SLC45A4: variants seen among roughly 807,000 people sequenced by gnomAD.
SLC45A4 encodes the protein solute carrier family 45 member 4, also known as polyamine-transporter SLC45A4.
Under a neutral mutation model 63.7 loss-of-function variants are expected in SLC45A4, and 32 were observed. The ratio of observed to expected loss-of-function variants is 0.50; its 90% CI spans 0.38 to 0.67. The LOEUF is 0.67. Among genes scored for constraint, SLC45A4 ranks in the 30% least tolerant of loss-of-function variants. The pLI, the probability that SLC45A4 is intolerant of heterozygous loss-of-function variation, is 0.00. For synonymous variants in SLC45A4, 535 were observed against 510.0 expected, an observed-to-expected ratio of 1.05 and a Z score of -0.66; for missense variants, 1,027 against 1,157.7, an observed-to-expected ratio of 0.89 and a Z score of 1.64.
chr8:141,251,595 G>A (rs1309791429), intron 2 of SLC45A4, among the ~76,000 whole-genome samples: 1 of 151,920 alleles, frequency 6.6e-6, no homozygotes, highest in African/African-American at 2.4e-5. Context: ...GCTGCGCCCG[G>A]TCTCCTACGT....
At chr8:141,243,959 A>C (rs1407515180) in intron 2 of SLC45A4, among the ~76,000 whole-genome samples, 2 of 152,228 alleles carry the variant, frequency 1.3e-5, no homozygotes, top group African/African-American at 4.8e-5. Context: ...TAAGGCTTCC[A>C]GTCAGGAAGC....
chr8:141,255,331 G>A lies in SLC45A4; in HGVS notation c.-400-702C>T, dbSNP rs539299222. Among the ~76,000 whole-genome samples, 5 of 152,156 alleles carry A rather than the reference G, an allele frequency of 3.3e-5. No homozygotes were observed. In the East Asian group the frequency reaches 5.8e-4, roughly 18 times the overall value. ...GGGCTCAAGCGATCTACCCTGCCTCGGCCTCCCAAAGCACTAGGATTTACA... is the reference window on the plus strand; with the variant it reads ...GGGCTCAAGCGATCTACCCTGCCTCAGCCTCCCAAAGCACTAGGATTTACA... On this transcript the variant is annotated intron_variant, in intron 1 of 8. Coordinates refer to ENST00000517878, the MANE Select transcript of SLC45A4 (RefSeq NM_001286646.2).
At chr8:141,292,598 C>A (rs984748492) in intron 1 of SLC45A4, 14 of 152,424 alleles carry the variant, frequency 9.2e-5, no homozygotes, top group African/African-American at 3.4e-4. Context: ...GTGGAAGCAG[C>A]AGCATGAGGC....
intron 1 of SLC45A4, among the ~76,000 whole-genome samples, chr8:141,298,236 A>G (rs1251548815): frequency 2.0e-5 from 3 of 152,268 alleles, no homozygotes; most frequent in African/African-American, 7.2e-5. Context: ...CACTACTTTT[A>G]GGCATGTCTC....
rs117887290 is a variant in SLC45A4, at chr8:141,244,962, G to A, written c.241+9027C>T. ...ATTCAGCAAGAAGACGTGGGTGGGG[G>A]GGGGGGGCGGTGTGGAGGTGGAGGC... On this transcript the variant is annotated intron_variant, in intron 2 of 8. Transcript: ENST00000517878. Among the ~76,000 whole-genome samples, 12 of 119,520 alleles carry A rather than the reference G, an allele frequency of 1.0e-4. 3 individuals carry two copies. Among genetic ancestry groups the A allele is most frequent in the Admixed American group, 1.6e-4 (2 of 12,132 alleles). 78.4% of individuals were successfully genotyped at this position (119,520 alleles called of 152,430 possible). A position where few individuals can be genotyped will look rare whatever the true frequency, so the allele number is the denominator to read the frequency against.
At chr8:141,305,046 A>T (rs1333287332) in intron 1 of SLC45A4, among the ~76,000 whole-genome samples, 1 of 152,164 alleles carries the variant, frequency 6.6e-6, no homozygotes, top group South Asian at 2.1e-4. Context: ...CAGGGTAGAG[A>T]AGATTCATTT....
At chr8:141,246,095 C>T (rs183449798) in intron 2 of SLC45A4, among the ~76,000 whole-genome samples, 43 of 152,292 alleles carry the variant, frequency 2.8e-4, no homozygotes, top group East Asian at 2.5e-3. Context: ...GTTTCTGCTG[C>T]GATATTTATC....
rs149212901 is a variant in SLC45A4, at chr8:141,271,232, C to T, written c.-400-16603G>A. 6.9e-4 allele frequency among the ~76,000 whole-genome samples: 105 copies of T among 152,330 alleles called. 1 individual carries two copies. The East Asian group carries it at 9.1e-3, about 13-fold the overall frequency. On this transcript the variant is annotated intron_variant, in intron 1 of 8. Coordinates refer to ENST00000517878, the MANE Select transcript of SLC45A4 (RefSeq NM_001286646.2). ...TTCCTGGAGAAGATGACCTTCCTGCCGGTGAAGTCACAGGCCAACTGTAGG... is the reference window on the plus strand; with the variant it reads ...TTCCTGGAGAAGATGACCTTCCTGCTGGTGAAGTCACAGGCCAACTGTAGG...
chr8:141,271,932 C>T (rs1563664178), intron 1 of SLC45A4, among the ~76,000 whole-genome samples: 1 of 152,138 alleles, frequency 6.6e-6, no homozygotes, highest in Admixed American at 6.5e-5. Flanking sequence ...GCAACACACA[C>T]CTGCATTCAC....
intron 1 of SLC45A4, among the ~76,000 whole-genome samples, chr8:141,265,577 T>C (rs1235917313): frequency 6.6e-6 from 1 of 152,148 alleles, no homozygotes; most frequent in African/African-American, 2.4e-5. Context: ...AAAAGGAAAA[T>C]GATTCTTCTC....
chr8:141,254,601 T>C lies in SLC45A4; in HGVS notation c.-372A>G, dbSNP rs757744510. 7.1e-6 allele frequency: 5 copies of C among 701,914 alleles called. No individual in the cohort carries two copies. Among genetic ancestry groups the C allele is most frequent in the Non-Finnish European group, 1.3e-5 (5 of 384,592 alleles). The allele number at this position is 701,914 out of a possible 1,614,324, so 43.5% of individuals were successfully genotyped here. ...AAGGTGATACAAACAGGTGGTCCGC[T>C]GGTAATCCCCATCGAGTGACTGGAT... is the stretch of plus-strand genomic sequence containing the variant. On this transcript the variant is annotated 5_prime_UTR_variant, in exon 2 of 9. Coordinates refer to ENST00000517878, the MANE Select transcript of SLC45A4 (RefSeq NM_001286646.2). The surrounding 1 kb of genome is among the most constrained non-coding windows in gnomAD (Gnocchi z 4.5).
At chr8:141,232,474 A>G (rs1020536929) in intron 2 of SLC45A4, among the ~76,000 whole-genome samples, 1 of 152,258 alleles carries the variant, frequency 6.6e-6, no homozygotes, top group Non-Finnish European at 1.5e-5. Flanking sequence ...CCAAGGCCTC[A>G]GGTGAAGACA....
At chr8:141,264,520 AT>A (rs1829180269) in intron 1 of SLC45A4, among the ~76,000 whole-genome samples, 1 of 152,074 alleles carries the variant, frequency 6.6e-6, no homozygotes, top group South Asian at 2.1e-4. Context: ...TCTCATGTTT[AT>A]TGCCAAGAAC....
Position 141,308,131 on chromosome 8 carries a change from G to A in SLC45A4, c.-436C>T, listed in dbSNP as rs546219704. 502 of 147,998 alleles carry A rather than the reference G, an allele frequency of 3.4e-3. 3 individuals are homozygous for A. Among genetic ancestry groups the A allele is most frequent in the African/African-American group, 0.012 (471 of 40,896 alleles). The allele number at this position is 147,998 out of a possible 1,614,324, so 9.2% of individuals were successfully genotyped here. Reference sequence around the variant, plus strand: ...CGGCCGGGGCCGCGGGGGCGGCGGGGCGGCCGGGCCGGGCCGGGCAGGGGC... The same window carrying A: ...CGGCCGGGGCCGCGGGGGCGGCGGGACGGCCGGGCCGGGCCGGGCAGGGGC... On this transcript the variant is annotated 5_prime_UTR_variant, in exon 1 of 9. Transcript: ENST00000517878.
intron 1 of SLC45A4, among the ~76,000 whole-genome samples, chr8:141,263,726 C>T (rs904739943): frequency 2.0e-5 from 3 of 147,726 alleles, no homozygotes; most frequent in African/African-American, 7.5e-5. Context: ...GCCGAAACTG[C>T]GCCACTGTAC....
intron 2 of SLC45A4, chr8:141,226,419 C>T (rs2043420): frequency 0.81 from 122,100 of 151,392 alleles, 49,825 homozygotes; most frequent in Non-Finnish European, 0.87. Context: ...CTGGAAGGGG[C>T]GGCACGCCTT....
intron 2 of SLC45A4, among the ~76,000 whole-genome samples, chr8:141,236,121 CAA>C (rs766580310): frequency 2.0e-5 from 3 of 151,948 alleles, no homozygotes; most frequent in Middle Eastern, 3.4e-3. Context: ...AAAACAAAAA[CAA>C]ACATGAGAGT....
Position 141,229,150 on chromosome 8 carries a change from C to T in SLC45A4, c.242-7385G>A, listed in dbSNP as rs1352129470. On this transcript the variant is annotated intron_variant, in intron 2 of 8. Coordinates refer to ENST00000517878, the MANE Select transcript of SLC45A4 (RefSeq NM_001286646.2). This position sits in a 1 kb window ranked among gnomAD's most constrained non-coding sequence, Gnocchi z 5.0. The stretch of plus-strand genomic sequence containing the variant: ...AGTGCCCTTAAAAGAGCTGCACTCT[C>T]AGGAGCAGAGTTTTGTGAGCATAGC... Among the ~76,000 whole-genome samples the T allele has an allele frequency of 6.6e-6, 1 of 152,180 alleles. No homozygotes were observed. The highest frequency in any genetic ancestry group is 2.4e-5 in the African/African-American group (1 of 41,426).
rs538194842 is a variant in SLC45A4, at chr8:141,299,976, C to T, written c.-401+8120G>A. ...CCTGTCTTCCTGGTCCCGTTCTTCA[C>T]TGTTTAAACCGCAGGATTCCTAGAA... On this transcript the variant is annotated intron_variant, in intron 1 of 8. Transcript: ENST00000517878. 3.3e-4 allele frequency among the ~76,000 whole-genome samples: 51 copies of T among 152,302 alleles called. No individual in the cohort carries two copies. In the East Asian group the frequency reaches 8.1e-3, roughly 24 times the overall value.
Sources: allele counts gnomAD v4.1 joint callset (sites outside exome capture counted in the v4.1 genomes callset), GRCh38; gene constraint gnomAD v4.1.1; non-coding constraint Gnocchi (gnomAD v3.1); transcripts MANE v1.5; gene names NCBI Gene and HGNC (gene_info 2026-07-23, HGNC 2026-07-21).